MAST4: variants seen among roughly 807,000 people sequenced by gnomAD.
MAST4 encodes the protein microtubule associated serine/threonine kinase family member 4.
In MAST4, 89 loss-of-function variants were observed where a neutral mutation model predicts 162.7. That is an observed-to-expected ratio of 0.55 (90% CI 0.46 to 0.65). The LOEUF is 0.65. MAST4 is among the 30% of genes least tolerant of loss of function. The probability of loss-of-function intolerance (pLI) is 0.00; values close to 1 mark genes in which losing one functional copy is unlikely to be tolerated. For missense variants in MAST4, 3,153 were observed against 3,374.0 expected, an observed-to-expected ratio of 0.93 and a Z score of 1.62; for synonymous variants, 1,479 against 1,361.1, an observed-to-expected ratio of 1.09 and a Z score of -1.91.
intron 1 of MAST4, among the ~76,000 whole-genome samples, chr5:66,694,406 C>T (rs1749257169): frequency 6.6e-6 from 1 of 152,198 alleles, no homozygotes; most frequent in African/African-American, 2.4e-5. Context: ...ATTGTCACTT[C>T]CAAGCTACTG....
chr5:66,952,227 G>A (rs181503644), intron 4 of MAST4, among the ~76,000 whole-genome samples: 2 of 152,162 alleles, frequency 1.3e-5, no homozygotes, highest in African/African-American at 4.8e-5. Flanking sequence ...AAGAGAGGAA[G>A]ATGTTTCCAC....
chr5:66,822,655 G>A (rs1270350558), intron 3 of MAST4, among the ~76,000 whole-genome samples: 1 of 152,060 alleles, frequency 6.6e-6, no homozygotes, highest in Non-Finnish European at 1.5e-5. Flanking sequence ...AAAGTAGCTG[G>A]GGCCCTGCTG....
chr5:66,663,503 T>C (rs1400192040), intron 1 of MAST4, among the ~76,000 whole-genome samples: 1 of 152,164 alleles, frequency 6.6e-6, no homozygotes, highest in Non-Finnish European at 1.5e-5. Context: ...GGAAGTATCC[T>C]TGAGATGATA....
intron 5 of MAST4, among the ~76,000 whole-genome samples, chr5:67,069,287 G>GATATATAT (rs6149054): frequency 0.089 from 9,498 of 107,270 alleles, 621 homozygotes; most frequent in East Asian, 0.14. Context: ...GAGGAGATTG[G>GATATATAT]ATATATATAT....
intron 26 of MAST4, among the ~76,000 whole-genome samples, chr5:67,154,177 A>C (rs1316064506): frequency 6.6e-6 from 1 of 152,242 alleles, no homozygotes; most frequent in African/African-American, 2.4e-5. Context: ...TAAGAAGGTC[A>C]CAGGAAGCAT....
chr5:66,788,051 G>C (rs554076057), intron 2 of MAST4, among the ~76,000 whole-genome samples: 2 of 152,276 alleles, frequency 1.3e-5, no homozygotes, highest in Admixed American at 6.5e-5. Flanking sequence ...GTATATATTA[G>C]AGTTCAAGGT....
intron 26 of MAST4, among the ~76,000 whole-genome samples, chr5:67,159,167 T>A (rs933893173): frequency 1.3e-5 from 2 of 152,130 alleles, no homozygotes; most frequent in African/African-American, 4.8e-5. Context: ...AAAGGGAAAA[T>A]TTTTCCAAAT....
At chr5:66,642,503 C>T (rs2149436922) in intron 1 of MAST4, among the ~76,000 whole-genome samples, 1 of 152,164 alleles carries the variant, frequency 6.6e-6, no homozygotes, top group African/African-American at 2.4e-5. Context: ...GTGATAATGA[C>T]ATTGTGGTTA....
chr5:66,826,198 A>G (rs567642215), intron 3 of MAST4, among the ~76,000 whole-genome samples: 2 of 151,920 alleles, frequency 1.3e-5, no homozygotes, highest in Non-Finnish European at 2.9e-5. Flanking sequence ...TATGTGTATC[A>G]CTTCTCAAAA....
At chr5:66,898,365 A>G (rs1434152788) in intron 3 of MAST4, among the ~76,000 whole-genome samples, 2 of 152,166 alleles carry the variant, frequency 1.3e-5, no homozygotes, top group African/African-American at 4.8e-5. Context: ...GTTTTCTTTA[A>G]CCTGAATACA....
At chr5:66,870,192 C>T (rs959859236) in intron 3 of MAST4, among the ~76,000 whole-genome samples, 3 of 152,208 alleles carry the variant, frequency 2.0e-5, no homozygotes, top group Admixed American at 1.3e-4. Flanking sequence ...TGCTAAATCT[C>T]TGTTTCAGCC....
At chr5:66,895,634 C>A (rs1210734167) in intron 3 of MAST4, among the ~76,000 whole-genome samples, 2 of 152,174 alleles carry the variant, frequency 1.3e-5, no homozygotes, top group African/African-American at 2.4e-5. Context: ...TACCTGAAAT[C>A]TGACTACTCC....
At chr5:66,833,048 G>A (rs1046265401) in intron 3 of MAST4, among the ~76,000 whole-genome samples, 2 of 152,080 alleles carry the variant, frequency 1.3e-5, no homozygotes, top group African/African-American at 4.8e-5. Flanking sequence ...ATCCTTAGGG[G>A]ATAAAAATGG....
At chr5:66,660,624 G>A (rs1197520555) in intron 1 of MAST4, among the ~76,000 whole-genome samples, 1 of 152,182 alleles carries the variant, frequency 6.6e-6, no homozygotes, top group Admixed American at 6.5e-5. Flanking sequence ...ATACAGTAAA[G>A]CTGGTATGAC....
intron 4 of MAST4, among the ~76,000 whole-genome samples, chr5:66,946,759 C>G (rs1201609806): frequency 2.0e-5 from 3 of 152,106 alleles, no homozygotes; most frequent in African/African-American, 7.2e-5. Context: ...ATTCTTTAGT[C>G]AGATAGATTC....
Position 66,897,684 on chromosome 5 carries a change from A to C in MAST4, c.643-2267A>C, listed in dbSNP as rs548549764. ...TAGCGTGGTAGCTTCAGGTCAGTTG[A>C]CAGTGGCCTATTAAATGTCCTTTGC... On this transcript the variant is annotated intron_variant, in intron 3 of 28. Transcript: ENST00000403625. Among the ~76,000 whole-genome samples the C allele has an allele frequency of 9.8e-5, 15 of 152,308 alleles. No homozygotes were observed. In the South Asian group the frequency reaches 3.1e-3, roughly 32 times the overall value.
chr5:66,691,315 A>G (rs1749024957), intron 1 of MAST4, among the ~76,000 whole-genome samples: 1 of 152,192 alleles, frequency 6.6e-6, no homozygotes, highest in African/African-American at 2.4e-5. Context: ...CTTAATTTTA[A>G]ATTACTACTT....
At chr5:66,918,142 T>C (rs371802393) in intron 4 of MAST4, among the ~76,000 whole-genome samples, 104 of 152,284 alleles carry the variant, frequency 6.8e-4, no homozygotes, top group African/African-American at 2.4e-3. Context: ...GATGCAAATA[T>C]TGGGATATAG....
intron 3 of MAST4, among the ~76,000 whole-genome samples, chr5:66,875,609 T>A (rs1271986206): frequency 6.6e-6 from 1 of 152,262 alleles, no homozygotes; most frequent in Non-Finnish European, 1.5e-5. Context: ...TACCAAATTA[T>A]AACAATCTTT....
Sources: gnomAD v4.1 joint callset for allele counts (sites outside exome capture counted in the v4.1 genomes callset) on GRCh38, gnomAD v4.1.1 for gene constraint, MANE v1.5 for transcripts, NCBI Gene and HGNC (gene_info 2026-07-23, HGNC 2026-07-21) for gene names.